Variants in ANKLE2 observed in about 807,000 individuals in gnomAD.
ANKLE2 encodes the protein ankyrin repeat and LEM domain-containing protein 2.
ANKLE2 carries 55 observed loss-of-function variants against 84.2 expected under a neutral mutation model. The ratio of observed to expected loss-of-function variants is 0.65; its 90% CI spans 0.53 to 0.82. The LOEUF (loss-of-function observed/expected upper bound fraction) is 0.82. Ranked by LOEUF, ANKLE2 falls within the 40% of genes least tolerant of loss-of-function variation. The pLI is 0.00. For synonymous variants in ANKLE2, 551 were observed against 486.1 expected (o/e 1.13, Z -1.76); for missense variants, 1,238 against 1,201.9 (o/e 1.03, Z -0.44).
At chr12:132,759,606 TATAAA>T (rs2044578068) in intron 1 of ANKLE2, 1 of 151,452 alleles carries the variant, frequency 6.6e-6, no homozygotes. Context: ...CATATTTTTA[TATAAA>T]ATAAATCAGT....
chr12:132,752,324 C>T (rs1229725509), intron 2 of ANKLE2, among the ~76,000 whole-genome samples: 1 of 152,110 alleles, frequency 6.6e-6, no homozygotes, highest in Non-Finnish European at 1.5e-5. Flanking sequence ...TGGCGACAGA[C>T]CGGGACTCTG....
intron 2 of ANKLE2, among the ~76,000 whole-genome samples, chr12:132,753,539 G>C (rs780039461): frequency 6.6e-6 from 1 of 152,124 alleles, no homozygotes; most frequent in Non-Finnish European, 1.5e-5. Flanking sequence ...GCCGAGGTGG[G>C]CAGATCACGA....
At chr12:132,731,477 A>G (rs2043843705) in intron 10 of ANKLE2, 2 of 152,078 alleles carry the variant, frequency 1.3e-5, no homozygotes, top group Non-Finnish European at 2.9e-5. Context: ...TTGCGGGCTA[A>G]TGGTTCTATT....
intron 2 of ANKLE2, 55 bp from the exon 3 acceptor site, chr12:132,750,904 A>C (rs1593175174): frequency 2.0e-6 from 3 of 1,526,984 alleles, no homozygotes; most frequent in Non-Finnish European, 2.7e-6. Flanking sequence ...GAGAGCTGTC[A>C]CCTGGCCATG....
At chr12:132,740,807 A>G (rs1463082755) in intron 7 of ANKLE2, among the ~76,000 whole-genome samples, 1 of 93,150 alleles carries the variant, frequency 1.1e-5, no homozygotes, top group Non-Finnish European at 2.9e-5. Flanking sequence ...AGGGCGGCCC[A>G]GAAAGCAAAG....
At chr12:132,733,629 T>A (rs558649080) in intron 10 of ANKLE2, among the ~76,000 whole-genome samples, 3 of 140,514 alleles carry the variant, frequency 2.1e-5, no homozygotes, top group African/African-American at 8.2e-5. Flanking sequence ...CGTGTGAAGC[T>A]CTCTGCGTCC....
chr12:132,726,991 G>A lies in ANKLE2; in HGVS notation c.*251C>T. 2.0e-6 allele frequency: 1 copy of A among 512,442 alleles called. No individual in the cohort carries two copies. Among genetic ancestry groups the A allele is most frequent in the Non-Finnish European group, 3.4e-6 (1 of 296,954 alleles). 31.7% of individuals were successfully genotyped at this position (512,442 alleles called of 1,614,324 possible). A position where few individuals can be genotyped will look rare whatever the true frequency, so the allele number is the denominator to read the frequency against. On this transcript the variant is annotated 3_prime_UTR_variant, in exon 13 of 13. Coordinates refer to ENST00000357997, the MANE Select transcript of ANKLE2 (RefSeq NM_015114.3). ...AGACCTAGAAATTGCCACCTAAAAA[G>A]TCTACCATTACCACATGGATATTTT...
intron 10 of ANKLE2, 64 bp from the exon 11 acceptor site, chr12:132,730,334 C>G (rs2043815235): frequency 7.5e-7 from 1 of 1,326,614 alleles, no homozygotes; most frequent in Admixed American, 2.4e-5. Flanking sequence ...GCTGCTCCGC[C>G]CCATCCATGA....
chr12:132,735,795 G>A (rs1292105222), intron 8 of ANKLE2, among the ~76,000 whole-genome samples: 1 of 152,210 alleles, frequency 6.6e-6, no homozygotes, highest in Non-Finnish European at 1.5e-5. Flanking sequence ...GCCTCACCCT[G>A]AGGACAGTGG....
Position 132,748,269 on chromosome 12 carries a change from G to T in ANKLE2, c.910C>A (p.Pro304Thr). The change falls in exon 4 of 13, where the codon CCC (proline) becomes ACC (threonine). Residue 304 changes from proline (P) to threonine (T), a missense_variant. This residue lies in a region of ANKLE2 where 422 missense variants were observed against 394.5 expected (regional missense o/e 1.07). Transcript: ENST00000357997. ...NKERANSYKNPRTQDLTAKLR... is the reference protein window; with the variant it reads ...NKERANSYKNTRTQDLTAKLR... ...TTGGCGGTGAGGTCCTGCGTGCGGG[G>T]ATTTTTGTAACTGTTCGCTCGCTCT... The T allele has an allele frequency of 6.2e-7, 1 of 1,614,200 alleles. No individual in the cohort carries two copies. Among genetic ancestry groups the T allele is most frequent in the Admixed American group, 1.7e-5 (1 of 60,012 alleles).
At position 132,757,013 on chromosome 12, in the gene ANKLE2, T is replaced by C. The variant is rs2044502418; in HGVS notation, c.182-1880A>G. The stretch of plus-strand genomic sequence containing the variant: ...AGATGGGGGAGACACCCACATGGAA[T>C]ACTAGCCAGAAGAAATGCACCTAAC... On this transcript the variant is annotated intron_variant, in intron 1 of 12. Coordinates refer to ENST00000357997, the MANE Select transcript of ANKLE2 (RefSeq NM_015114.3). 3 of 152,036 alleles carry C rather than the reference T, an allele frequency of 2.0e-5. 1 individual carries two copies. Among genetic ancestry groups the C allele is most frequent in the African/African-American group, 7.2e-5 (3 of 41,460 alleles). 9.4% of individuals were successfully genotyped at this position (152,036 alleles called of 1,614,324 possible).
chr12:132,725,573 C>A lies in ANKLE2; in HGVS notation c.*1669G>T. On this transcript the variant is annotated 3_prime_UTR_variant, in exon 13 of 13. Transcript: ENST00000357997. ...CCCCCGGGACACACGAGAATGCCTC[C>A]GTTGGGACTGGAATCGCTGCCCACA... 1 of 152,332 alleles carries A rather than the reference C, an allele frequency of 6.6e-6. No homozygotes were observed. The allele number at this position is 152,332 out of a possible 1,614,324, so 9.4% of individuals were successfully genotyped here.
chr12:132,750,519 C>T (rs920228242), intron 3 of ANKLE2, 124 bp downstream of exon 3: 35 of 993,370 alleles, frequency 3.5e-5, no homozygotes, highest in Non-Finnish European at 4.8e-5. Flanking sequence ...TCCTGGTCCA[C>T]TGAGACCCCA....
chr12:132,740,428 G>A (rs746927761), intron 7 of ANKLE2, among the ~76,000 whole-genome samples: 5 of 152,116 alleles, frequency 3.3e-5, no homozygotes, highest in African/African-American at 4.8e-5. Flanking sequence ...GAAAGAACCC[G>A]GACAGTGTGC....
chr12:132,750,204 C>CAAAAA (rs1038591889), intron 3 of ANKLE2, among the ~76,000 whole-genome samples: 1 of 79,408 alleles, frequency 1.3e-5, no homozygotes, highest in East Asian at 4.2e-4. Flanking sequence ...GACTCCATCT[C>CAAAAA]AAAAAAAAAA....
rs756750132 is a variant in ANKLE2 at position 132,750,661 on chromosome 12, T to C, written c.829A>G (p.Ser277Gly). 6.2e-7 allele frequency: 1 copy of C among 1,614,206 alleles called. No individual in the cohort carries two copies. The highest frequency in any genetic ancestry group is 1.1e-5 in the South Asian group (1 of 91,084). Residue 277 changes from serine (S) to glycine (G), a missense_variant, in exon 3 of 13, where the codon AGC becomes GGC. Ser to Gly is a moderately conservative substitution (Grantham distance 56). Around this residue, in one of 3 missense-constraint regions of ANKLE2, gnomAD observed 422 missense variants for 394.5 expected, o/e 1.07. Coordinates refer to ENST00000357997, the MANE Select transcript of ANKLE2 (RefSeq NM_015114.3). ...LSPVKTAPLFSNDRLKDGLCL... is the reference protein window; with the variant it reads ...LSPVKTAPLFGNDRLKDGLCL... ...GATTTACCTTTCAACCTGTCATTGC[T>C]AAAGAGTGGAGCTGTTTTCACAGGA...
intron 1 of ANKLE2, chr12:132,761,408 G>A (rs2044621924): frequency 2.7e-6 from 1 of 374,838 alleles, no homozygotes; most frequent in South Asian, 1.4e-4. Context: ...AACCCGGCGT[G>A]GCCCCTCCGC....
chr12:132,742,184 T>TAC (rs71856305), intron 6 of ANKLE2: 11,007 of 192,568 alleles, frequency 0.057, 447 homozygotes, highest in African/African-American at 0.097. Context: ...GAAGTACAGA[T>TAC]ACACACACAC....
At chr12:132,750,604 T>C in intron 3 of ANKLE2, 39 bp downstream of exon 3, 6 of 1,607,028 alleles carry the variant, frequency 3.7e-6, no homozygotes, top group South Asian at 1.1e-5. Context: ...GGGATCAATG[T>C]GACAGGAACA....
Sources: allele counts gnomAD v4.1 joint callset (sites outside exome capture counted in the v4.1 genomes callset), GRCh38; gene constraint gnomAD v4.1.1; regional missense constraint gnomAD v4.1.1; transcripts MANE v1.5; gene names NCBI Gene and HGNC (gene_info 2026-07-23, HGNC 2026-07-21).